PLCZ1: variants seen among roughly 807,000 people sequenced by gnomAD.
The protein encoded by PLCZ1 is phospholipase C zeta 1.
In PLCZ1, 64 loss-of-function variants were observed where a neutral mutation model predicts 76.8. The ratio of observed to expected loss-of-function variants is 0.83; its 90% CI spans 0.68 to 1.03. The LOEUF (loss-of-function observed/expected upper bound fraction) is 1.03, where lower values mean the gene tolerates loss of function less well. Ranked by LOEUF, PLCZ1 falls within the 50% of genes least tolerant of loss-of-function variation. The probability of loss-of-function intolerance (pLI) is 0.00; values close to 1 mark genes in which losing one functional copy is unlikely to be tolerated. For synonymous variants in PLCZ1, 248 were observed against 230.8 expected, an observed-to-expected ratio of 1.07 and a Z score of -0.68; for missense variants, 751 against 713.7, an observed-to-expected ratio of 1.05 and a Z score of -0.60.
the PLCZ1 span, among the ~76,000 whole-genome samples, chr12:18,674,327 T>A: frequency 6.6e-6 from 1 of 152,188 alleles, no homozygotes; most frequent in Non-Finnish European, 1.5e-5. Context: ...ACCTTCACAC[T>A]ATCCTCTGGT....
chr12:18,722,803 A>G (rs1156706430), intron 4 of PLCZ1, among the ~76,000 whole-genome samples: 2 of 152,074 alleles, frequency 1.3e-5, no homozygotes, highest in East Asian at 3.8e-4. Context: ...ATATATATTT[A>G]CGAAATGTTG....
At chr12:18,715,903 T>C (rs1012142000) in intron 5 of PLCZ1, 4 of 152,228 alleles carry the variant, frequency 2.6e-5, no homozygotes, top group Non-Finnish European at 5.9e-5. Context: ...TTTTCTTAAC[T>C]AATTGTCTTT....
chr12:18,716,510 T>C (rs1958006910), intron 5 of PLCZ1, among the ~76,000 whole-genome samples: 1 of 152,216 alleles, frequency 6.6e-6, no homozygotes, highest in Non-Finnish European at 1.5e-5. Flanking sequence ...ACTCCACTAT[T>C]TAACTTTGAG....
In PLCZ1 at chr12:18,693,380, G is replaced by T. The variant is rs1592045652; in HGVS notation, c.1461+1530C>A. ...AAATTCGGGAAATTAAGGAATCTGT[G>T]GAGCTTCCTCTCACCCATCCTGAAT... On this transcript the variant is annotated intron_variant, in intron 12 of 14. Transcript: ENST00000266505. 4 of 1,603,694 alleles carry T rather than the reference G, an allele frequency of 2.5e-6. No homozygotes were observed. The East Asian group carries it at 6.7e-5, about 27-fold the overall frequency.
chr12:18,682,440 A>G (rs1952508412), downstream of PLCZ1, among the ~76,000 whole-genome samples: 1 of 152,058 alleles, frequency 6.6e-6, no homozygotes, highest in Non-Finnish European at 1.5e-5. Flanking sequence ...TAGAATTAGT[A>G]TTAATATCAG....
chr12:18,726,115 G>A (rs981799431), intron 3 of PLCZ1, among the ~76,000 whole-genome samples: 15 of 152,238 alleles, frequency 9.9e-5, no homozygotes, highest in African/African-American at 3.4e-4. Context: ...TGAAACTGAT[G>A]AAATAAGTGC....
intron 4 of PLCZ1, 149 bp downstream of exon 4, chr12:18,723,162 T>C (rs1178111167): frequency 3.0e-6 from 2 of 668,584 alleles, no homozygotes; most frequent in Admixed American, 2.9e-5. Context: ...TTCTATAAAA[T>C]ATATTTTCTC....
intron 3 of PLCZ1, among the ~76,000 whole-genome samples, chr12:18,733,841 C>G (rs1394706503): frequency 2.6e-5 from 4 of 152,100 alleles, no homozygotes; most frequent in Non-Finnish European, 5.9e-5. Context: ...TTTTATGCCC[C>G]TACCATACTG....
intron 3 of PLCZ1, among the ~76,000 whole-genome samples, chr12:18,727,702 G>A (rs1958830194): frequency 6.6e-6 from 1 of 152,122 alleles, no homozygotes; most frequent in African/African-American, 2.4e-5. Context: ...AGAATAAAGA[G>A]TTATTGATCA....
the PLCZ1 span, among the ~76,000 whole-genome samples, chr12:18,658,786 A>G: frequency 6.6e-6 from 1 of 152,274 alleles, no homozygotes; most frequent in East Asian, 1.9e-4. Context: ...AGAGAATGCT[A>G]TACTTTAGCT....
At chr12:18,718,323 C>T (rs1348826409) in intron 5 of PLCZ1, among the ~76,000 whole-genome samples, 1 of 152,126 alleles carries the variant, frequency 6.6e-6, no homozygotes, top group Non-Finnish European at 1.5e-5. Context: ...AAATCATCTT[C>T]TACCTCCACT....
chr12:18,697,886 A>AT (rs11424529), intron 10 of PLCZ1, among the ~76,000 whole-genome samples: 74,176 of 151,778 alleles, frequency 0.49, 19,230 homozygotes, highest in African/African-American at 0.67. Context: ...ATTATTTACT[A>AT]TAACTTTTGG....
chr12:18,678,835 T>C (rs1315726980), downstream of PLCZ1, among the ~76,000 whole-genome samples: 1 of 152,076 alleles, frequency 6.6e-6, no homozygotes, highest in Non-Finnish European at 1.5e-5. Flanking sequence ...ACATGTGTTT[T>C]CATTTCCCTT....
At chr12:18,668,075 G>A in the PLCZ1 span, among the ~76,000 whole-genome samples, 8 of 152,026 alleles carry the variant, frequency 5.3e-5, no homozygotes, top group African/African-American at 1.4e-4. Context: ...TCCACTTAGC[G>A]TAATTATACT....
intron 5 of PLCZ1, among the ~76,000 whole-genome samples, chr12:18,714,341 G>C (rs2137449723): frequency 6.6e-6 from 1 of 152,272 alleles, no homozygotes; most frequent in Middle Eastern, 3.4e-3. Flanking sequence ...ATAAGGCAAT[G>C]GTTAGTGCTG....
chr12:18,684,796 T>C (rs1002018660), intron 13 of PLCZ1, among the ~76,000 whole-genome samples: 6 of 152,040 alleles, frequency 3.9e-5, no homozygotes, highest in African/African-American at 1.4e-4. Context: ...CATCTTGAAT[T>C]GTAATCCCCA....
chr12:18,721,300 AG>A (rs1192922550), intron 4 of PLCZ1, among the ~76,000 whole-genome samples: 1 of 152,122 alleles, frequency 6.6e-6, no homozygotes, highest in African/African-American at 2.4e-5. Context: ...ATGAGGGATG[AG>A]GCTGAGGAAC....
At chr12:18,666,921 C>T in the PLCZ1 span, among the ~76,000 whole-genome samples, 1 of 152,108 alleles carries the variant, frequency 6.6e-6, no homozygotes, top group Non-Finnish European at 1.5e-5. Context: ...TAAACAAATT[C>T]TCTAGGAGGC....
intron 6 of PLCZ1, among the ~76,000 whole-genome samples, chr12:18,705,932 TAAG>T (rs1357450998): frequency 2.1e-5 from 3 of 144,426 alleles, no homozygotes; most frequent in South Asian, 2.2e-4. Flanking sequence ...ATAGACCAAT[TAAG>T]AAGAAGGCAG....
Sources: allele counts gnomAD v4.1 joint callset (sites outside exome capture counted in the v4.1 genomes callset), GRCh38; gene constraint gnomAD v4.1.1; transcripts MANE v1.5; gene names NCBI Gene and HGNC (gene_info 2026-07-23, HGNC 2026-07-21).